PACC1: variants seen among roughly 807,000 people sequenced by gnomAD.
The protein encoded by PACC1 is proton-activated chloride channel.
PACC1 carries 34 observed loss-of-function variants against 39.7 expected under a neutral mutation model. That is an observed-to-expected ratio of 0.86 (90% confidence interval 0.65 to 1.14). The LOEUF (loss-of-function observed/expected upper bound fraction) is 1.14. PACC1 is among the 50% of genes most tolerant of loss of function. PACC1 has a pLI of 0.00. For synonymous variants in PACC1, 127 were observed against 160.6 expected (o/e 0.79, Z 1.58); for missense variants, 379 against 436.4 (o/e 0.87, Z 1.17).
At chr1:212,410,384 C>T in intron 2 of PACC1, 41 bp downstream of exon 2, 2 of 1,581,566 alleles carry the variant, frequency 1.3e-6, no homozygotes, top group Non-Finnish European at 1.7e-6. Flanking sequence ...CTGGGGTGTC[C>T]AGCTGCAGCA....
intron 2 of PACC1, among the ~76,000 whole-genome samples, chr1:212,389,766 T>C (rs1455620975): frequency 6.6e-6 from 1 of 151,876 alleles, no homozygotes; most frequent in Non-Finnish European, 1.5e-5. Context: ...TGGAGATGGA[T>C]GGTGGTGATG....
intron 7 of PACC1, among the ~76,000 whole-genome samples, chr1:212,374,700 CATTA>C (rs1459957718): frequency 5.9e-5 from 9 of 152,154 alleles, no homozygotes; most frequent in Middle Eastern, 3.4e-3. Context: ...TAAAATATGG[CATTA>C]ATTAATGCTT....
intron 2 of PACC1, among the ~76,000 whole-genome samples, chr1:212,393,090 C>T (rs1051774638): frequency 1.6e-4 from 24 of 152,234 alleles, no homozygotes; most frequent in African/African-American, 5.5e-4. Context: ...GCAGATCTAA[C>T]AGACATCTAC....
chr1:212,404,974 C>T (rs182570715), intron 2 of PACC1, among the ~76,000 whole-genome samples: 16 of 152,074 alleles, frequency 1.1e-4, no homozygotes, highest in African/African-American at 2.6e-4. Flanking sequence ...GGTTTCACCA[C>T]GCTGGCCAGG....
intron 2 of PACC1, among the ~76,000 whole-genome samples, chr1:212,400,759 T>G (rs1362623145): frequency 1.3e-5 from 2 of 152,186 alleles, no homozygotes; most frequent in Admixed American, 6.5e-5. Context: ...CTCAGGGTAG[T>G]AGGAAGACAA....
intron 2 of PACC1, among the ~76,000 whole-genome samples, chr1:212,400,431 G>C (rs1029545365): frequency 1.3e-5 from 2 of 152,118 alleles, no homozygotes; most frequent in African/African-American, 4.8e-5. Flanking sequence ...ACTTGCATGG[G>C]AACATTGACC....
intron 7 of PACC1, among the ~76,000 whole-genome samples, chr1:212,366,535 C>T (rs779457783): frequency 6.6e-5 from 10 of 151,882 alleles, no homozygotes; most frequent in Non-Finnish European, 1.2e-4. Flanking sequence ...CTTATGACCT[C>T]GTGATCCGCC....
In PACC1 at chr1:212,410,485, C is replaced by CT. The variant is rs778510379; in HGVS notation, c.72dup (p.Glu25ArgfsTer70). ...TCCTTGTCCTGCTCGTCTGCCAGCT[C>CT]TGAGTTCTCAACCACCTGGACCAAC... On this transcript the variant is annotated frameshift_variant, in exon 2 of 8. Coordinates refer to ENST00000261455, the MANE Select transcript of PACC1 (RefSeq NM_018252.3). LOFTEE classifies it high-confidence loss of function. 5.6e-6 allele frequency: 9 copies of CT among 1,614,108 alleles called. No individual in the cohort carries two copies. In the Admixed American group the frequency reaches 1.0e-4, roughly 18 times the overall value.
chr1:212,405,189 C>T (rs557516941), intron 2 of PACC1, among the ~76,000 whole-genome samples: 2 of 152,232 alleles, frequency 1.3e-5, no homozygotes, highest in East Asian at 3.9e-4. Flanking sequence ...GGCTCTCTTG[C>T]TCTAAATCTC....
intron 2 of PACC1, among the ~76,000 whole-genome samples, chr1:212,402,272 T>A (rs572420092): frequency 3.3e-5 from 5 of 152,222 alleles, no homozygotes; most frequent in Non-Finnish European, 7.3e-5. Context: ...CCATTTTACA[T>A]TCCTATCAGC....
chr1:212,408,950 G>A (rs1357770491), intron 2 of PACC1, among the ~76,000 whole-genome samples: 1 of 152,226 alleles, frequency 6.6e-6, no homozygotes, highest in African/African-American at 2.4e-5. Flanking sequence ...ACAGTAGGAG[G>A]TGAGCAGTGA....
intron 2 of PACC1, among the ~76,000 whole-genome samples, chr1:212,405,799 C>T (rs1043461412): frequency 6.6e-6 from 1 of 152,142 alleles, no homozygotes; most frequent in East Asian, 1.9e-4. Context: ...TAGGACTAAC[C>T]GTTCACCTCA....
intron 7 of PACC1, among the ~76,000 whole-genome samples, chr1:212,368,613 C>CAA: frequency 9.0e-6 from 1 of 111,114 alleles, no homozygotes; most frequent in Non-Finnish European, 1.9e-5. Flanking sequence ...GAGTGCCTCA[C>CAA]AGAATTGATC....
At chr1:212,379,329 T>C (rs1660790967) in intron 5 of PACC1, among the ~76,000 whole-genome samples, 1 of 152,228 alleles carries the variant, frequency 6.6e-6, no homozygotes, top group Non-Finnish European at 1.5e-5. Flanking sequence ...CAATATGTGT[T>C]GTTTATGTTA....
At chr1:212,413,996 A>C (rs2102554227) in intron 1 of PACC1, 1 of 1,535,818 alleles carries the variant, frequency 6.5e-7, no homozygotes, top group Middle Eastern at 1.7e-4. Context: ...CGAGAAGTGG[A>C]GGCGGAGGAG....
chr1:212,413,521 T>C (rs559261374), intron 1 of PACC1, among the ~76,000 whole-genome samples: 1 of 152,324 alleles, frequency 6.6e-6, no homozygotes, highest in East Asian at 1.9e-4. Flanking sequence ...AGCCCTTGAC[T>C]TCTGGGGGCA....
chr1:212,380,475 A>G (rs1253087863), intron 4 of PACC1, among the ~76,000 whole-genome samples: 1 of 152,190 alleles, frequency 6.6e-6, no homozygotes, highest in East Asian at 1.9e-4. Context: ...GAGGAAAGCC[A>G]AAATTATATC....
intron 7 of PACC1, among the ~76,000 whole-genome samples, chr1:212,371,808 A>G (rs573592059): frequency 1.3e-5 from 2 of 152,332 alleles, no homozygotes; most frequent in East Asian, 3.8e-4. Context: ...ATTCAATAAT[A>G]CATTAAAAAG....
Position 212,393,587 on chromosome 1 carries a change from A to G in PACC1, c.134-6487T>C, listed in dbSNP as rs559723560. On this transcript the variant is annotated intron_variant, in intron 2 of 7. Coordinates refer to ENST00000261455, the MANE Select transcript of PACC1 (RefSeq NM_018252.3). ...TAGAAGGCAAGAAATAACTAAGATC[A>G]GAGCAGAACTGAAGGAGACTGAGAC... 5.3e-5 allele frequency among the ~76,000 whole-genome samples: 8 copies of G among 152,362 alleles called. No homozygotes were observed. In the South Asian group the frequency reaches 1.0e-3, roughly 20 times the overall value.
Sources: allele counts gnomAD v4.1 joint callset (sites outside exome capture counted in the v4.1 genomes callset), GRCh38; gene constraint gnomAD v4.1.1; transcripts MANE v1.5; gene names NCBI Gene and HGNC (gene_info 2026-07-23, HGNC 2026-07-21).